CEP112: variants seen among roughly 807,000 people sequenced by gnomAD.
CEP112 encodes the protein centrosomal protein of 112 kDa.
A neutral mutation model predicts 153.0 loss-of-function variants in CEP112; 127 were observed. The observed-to-expected ratio is 0.83, with a 90% CI of 0.72 to 0.96. The LOEUF (loss-of-function observed/expected upper bound fraction) is 0.96. Ranked by LOEUF, CEP112 falls within the 40% of genes least tolerant of loss-of-function variation. The probability of loss-of-function intolerance (pLI) is 0.00; values close to 1 mark genes in which losing one functional copy is unlikely to be tolerated. For missense variants in CEP112, 1,089 were observed against 1,101.2 expected, an observed-to-expected ratio of 0.99 and a Z score of 0.16; for synonymous variants, 358 against 374.4, an observed-to-expected ratio of 0.96 and a Z score of 0.51.
At chr17:66,026,263 C>A (rs772817448) in intron 16 of CEP112, among the ~76,000 whole-genome samples, 15 of 152,154 alleles carry the variant, frequency 9.9e-5, no homozygotes, top group East Asian at 1.9e-4. Context: ...GCGCTTGTAC[C>A]CGTTACATTC....
intron 20 of CEP112, among the ~76,000 whole-genome samples, chr17:65,864,224 T>G (rs1041328778): frequency 6.6e-6 from 1 of 152,114 alleles, no homozygotes; most frequent in Admixed American, 6.5e-5. Context: ...CTCGGGCAGT[T>G]TGCCACTCCA....
At position 65,937,621 on chromosome 17, in the gene CEP112, G is replaced by T; in HGVS notation, c.1873-9932C>A. ...CGCCCCGTCCGGGAGGGAGGTGGGG[G>T]GGTCAGCCCCCCGCCCGGCCAGCCG... On this transcript the variant is annotated intron_variant, in intron 18 of 26. Coordinates refer to ENST00000535342, the MANE Select transcript of CEP112 (RefSeq NM_001199165.4). 2.1e-5 allele frequency among the ~76,000 whole-genome samples: 2 copies of T among 97,458 alleles called. 1 individual carries two copies. The highest frequency in any genetic ancestry group is 7.1e-5 in the African/African-American group (2 of 28,290). 63.9% of individuals were successfully genotyped at this position (97,458 alleles called of 152,430 possible).
At chr17:66,052,101 A>G (rs1469383024) in intron 12 of CEP112, among the ~76,000 whole-genome samples, 1 of 152,204 alleles carries the variant, frequency 6.6e-6, no homozygotes, top group African/African-American at 2.4e-5. Flanking sequence ...AACAGAATGA[A>G]TGTACAGATG....
intron 6 of CEP112, 120 bp downstream of exon 6, chr17:66,129,626 C>G (rs2070032217): frequency 1.5e-6 from 1 of 662,554 alleles, no homozygotes; most frequent in Non-Finnish European, 2.6e-6. Flanking sequence ...CAAGGCCACA[C>G]AGTAACATAT....
intron 16 of CEP112, among the ~76,000 whole-genome samples, chr17:66,021,828 G>A (rs1341103990): frequency 2.0e-5 from 3 of 151,504 alleles, no homozygotes; most frequent in Non-Finnish European, 4.4e-5. Flanking sequence ...CCAGTCCACT[G>A]AATATTCCAT....
chr17:66,138,765 G>T (rs887018743), intron 4 of CEP112, among the ~76,000 whole-genome samples: 37 of 151,558 alleles, frequency 2.4e-4, no homozygotes, highest in African/African-American at 8.7e-4. Flanking sequence ...AAATCACAAA[G>T]AAATATAAGG....
chr17:66,056,903 A>G (rs949919086), intron 11 of CEP112, among the ~76,000 whole-genome samples: 5 of 152,208 alleles, frequency 3.3e-5, no homozygotes, highest in South Asian at 2.1e-4. Context: ...TCATAACTCA[A>G]TATTTTTTAA....
At chr17:65,827,747 G>A (rs765134507) in intron 21 of CEP112, among the ~76,000 whole-genome samples, 14 of 152,112 alleles carry the variant, frequency 9.2e-5, no homozygotes, top group South Asian at 2.1e-4. Flanking sequence ...CTATGTTCTC[G>A]TCACACTGGC....
chr17:65,931,171 G>A (rs978839507), intron 18 of CEP112, among the ~76,000 whole-genome samples: 2 of 152,168 alleles, frequency 1.3e-5, no homozygotes, highest in African/African-American at 4.8e-5. Context: ...GGATGAGGAG[G>A]AGGGACATCA....
intron 18 of CEP112, among the ~76,000 whole-genome samples, chr17:65,937,759 CA>C (rs559884554): frequency 1 from 69,010 of 69,210 alleles, 34,413 homozygotes; most frequent in Middle Eastern, 1. Context: ...GTCAGCCCCC[CA>C]GCCCAGCCAG....
chr17:65,742,052 C>T (rs541044365), intron 23 of CEP112, among the ~76,000 whole-genome samples: 2 of 150,528 alleles, frequency 1.3e-5, no homozygotes, highest in Admixed American at 6.7e-5. Flanking sequence ...GATGTAATGG[C>T]CTTGAAGGTT....
chr17:65,704,855 TA>T (rs2048835744), intron 23 of CEP112, among the ~76,000 whole-genome samples: 1 of 152,268 alleles, frequency 6.6e-6, no homozygotes, highest in South Asian at 2.1e-4. Flanking sequence ...ACTTTCCGTT[TA>T]AACCACTTAG....
chr17:65,970,238 G>A (rs62064272), intron 17 of CEP112, among the ~76,000 whole-genome samples: 3 of 43,054 alleles, frequency 7.0e-5, no homozygotes, highest in East Asian at 0.015. Context: ...ATATATGCAT[G>A]TATATTACAT....
chr17:66,046,460 C>G (rs965301138), intron 12 of CEP112, among the ~76,000 whole-genome samples: 2 of 152,122 alleles, frequency 1.3e-5, no homozygotes, highest in Admixed American at 1.3e-4. Flanking sequence ...AAAACATGAT[C>G]GTTTATAAGG....
intron 22 of CEP112, among the ~76,000 whole-genome samples, chr17:65,748,114 T>C (rs2051586408): frequency 6.6e-6 from 1 of 152,202 alleles, no homozygotes; most frequent in South Asian, 2.1e-4. Context: ...TAATCTGACA[T>C]GCTTCTCTGA....
At chr17:66,096,837 A>AAATGAAC (rs2068367902) in intron 6 of CEP112, among the ~76,000 whole-genome samples, 1 of 152,172 alleles carries the variant, frequency 6.6e-6, no homozygotes, top group African/African-American at 2.4e-5. Flanking sequence ...TTGCATGCCA[A>AAATGAAC]AATGAACCTT....
At chr17:66,164,200 C>G (rs1013702697) in intron 4 of CEP112, among the ~76,000 whole-genome samples, 1 of 152,150 alleles carries the variant, frequency 6.6e-6, no homozygotes, top group Non-Finnish European at 1.5e-5. Flanking sequence ...TGTAGCAGTC[C>G]TATTTCTAGA....
chr17:65,747,027 A>G (rs1239429027), intron 22 of CEP112, among the ~76,000 whole-genome samples: 1 of 151,926 alleles, frequency 6.6e-6, no homozygotes, highest in African/African-American at 2.4e-5. Context: ...AATAATTGTT[A>G]AGCAATTAAC....
chr17:66,162,943 T>C (rs2071775501), intron 4 of CEP112, among the ~76,000 whole-genome samples: 1 of 152,184 alleles, frequency 6.6e-6, no homozygotes, highest in African/African-American at 2.4e-5. Flanking sequence ...GAACTATAGC[T>C]ATATTTATTA....
Sources: gnomAD v4.1 joint callset for allele counts (sites outside exome capture counted in the v4.1 genomes callset) on GRCh38, gnomAD v4.1.1 for gene constraint, MANE v1.5 for transcripts, NCBI Gene and HGNC (gene_info 2026-07-23, HGNC 2026-07-21) for gene names.